BYSL: variants seen among roughly 807,000 people sequenced by gnomAD.
BYSL encodes bystin like.
BYSL carries 21 observed loss-of-function variants against 45.4 expected under a neutral mutation model. The ratio of observed to expected loss-of-function variants is 0.46; its 90% confidence interval spans 0.33 to 0.67. BYSL has a LOEUF of 0.67. Ranked by LOEUF, BYSL falls within the 30% of genes least tolerant of loss-of-function variation. BYSL has a pLI of 0.02. For missense variants in BYSL, 522 were observed against 578.5 expected, an observed-to-expected ratio of 0.90 and a Z score of 1.00; for synonymous variants, 215 against 231.3, an observed-to-expected ratio of 0.93 and a Z score of 0.64.
At chr6:41,916,661 AAC>A, upstream of BYSL, 2 of 1,216,060 alleles carry the variant, frequency 1.6e-6, no homozygotes, top group South Asian at 2.9e-5. Context: ...TGACGTCAAA[AAC>A]ACATCTCGCC....
intron 1 of BYSL, among the ~76,000 whole-genome samples, chr6:41,923,879 G>A (rs1041083153): frequency 1.1e-4 from 17 of 152,148 alleles, no homozygotes; most frequent in Middle Eastern, 6.8e-3. Context: ...AGGCTTCATT[G>A]TGCCTTAAAC....
rs770007220 is a variant in BYSL, at chr6:41,932,316, C to G, written c.969-45C>G. 4 of 1,550,134 alleles carry G rather than the reference C, an allele frequency of 2.6e-6. No homozygotes were observed. In the South Asian group the frequency reaches 3.4e-5, roughly 13 times the overall value. On this transcript the variant is annotated intron_variant, in intron 6 of 6. Transcript: ENST00000230340. The surrounding 1 kb of genome is among the most constrained non-coding windows in gnomAD (Gnocchi z 4.7). ...AGAGGGAGAAGTAGGATCCTTCTTC[C>G]AATGTTTTCCCTGCTTACTCTACCC...
rs1775660702 is a variant in BYSL, at chr6:41,932,809, C to T, written c.*103C>T. 1 of 1,230,008 alleles carries T rather than the reference C, an allele frequency of 8.1e-7. No homozygotes were observed. The highest frequency in any genetic ancestry group is 1.1e-6 in the Non-Finnish European group (1 of 890,932). The allele number at this position is 1,230,008 out of a possible 1,614,324, so 76.2% of individuals were successfully genotyped here. The stretch of plus-strand genomic sequence containing the variant: ...AGCTTTAATGGCTGAAGACCCAGAT[C>T]AGGGCAGTGACAGATCACAGGGACA... On this transcript the variant is annotated 3_prime_UTR_variant, in exon 7 of 7. Transcript: ENST00000230340. This position sits in a 1 kb window ranked among gnomAD's most constrained non-coding sequence, Gnocchi z 4.7.
the BYSL span, among the ~76,000 whole-genome samples, chr6:41,911,633 C>T: frequency 6.6e-6 from 1 of 152,124 alleles, no homozygotes; most frequent in African/African-American, 2.4e-5. Context: ...TCCAGCCACA[C>T]AAAGGAAAGA....
upstream of BYSL, among the ~76,000 whole-genome samples, chr6:41,918,649 CAAAAATACAAA>C (rs1775378046): frequency 7.4e-6 from 1 of 134,396 alleles, no homozygotes; most frequent in Non-Finnish European, 1.6e-5. Context: ...CCGTCTCTAC[CAAAAATACAAA>C]AAAATGGCCG....
At chr6:41,915,792 A>ACACACACACACACACACACACACC in the BYSL span, among the ~76,000 whole-genome samples, 1 of 152,010 alleles carries the variant, frequency 6.6e-6, no homozygotes, top group Non-Finnish European at 1.5e-5. Flanking sequence ...GTCTCAAAAC[A>ACACACACACACACACACACACACC]CACACACACA....
the BYSL span, chr6:41,909,639 T>C: frequency 1.4e-6 from 2 of 1,456,360 alleles, no homozygotes; most frequent in Non-Finnish European, 1.9e-6. Context: ...ACCTCAGCAG[T>C]TCTTGGTTGG....
upstream of BYSL, chr6:41,916,800 T>A: frequency 6.2e-7 from 1 of 1,613,998 alleles, no homozygotes; most frequent in Non-Finnish European, 8.5e-7. Context: ...CTGCCAAGGG[T>A]AGAGGCGGCC....
the BYSL span, among the ~76,000 whole-genome samples, chr6:41,914,942 T>C: frequency 2.6e-5 from 4 of 152,306 alleles, no homozygotes; most frequent in South Asian, 8.3e-4. Context: ...AAAACAAGTC[T>C]TTCTCAAATT....
At chr6:41,920,929 C>G, upstream of BYSL, 1 of 1,547,852 alleles carries the variant, frequency 6.5e-7, no homozygotes, top group Non-Finnish European at 8.8e-7. Flanking sequence ...CAGAGGACGG[C>G]GGACCATGGT....
chr6:41,920,473 T>G (rs1775432322), upstream of BYSL, among the ~76,000 whole-genome samples: 1 of 152,180 alleles, frequency 6.6e-6, no homozygotes. Context: ...GAGGTCCCAC[T>G]GCAGGCAGTA....
upstream of BYSL, chr6:41,921,150 A>G: frequency 8.2e-7 from 1 of 1,220,122 alleles, no homozygotes; most frequent in Non-Finnish European, 1.1e-6. Context: ...GTAAAAACAG[A>G]GCGCCGGGTC....
In BYSL at chr6:41,921,558, G is replaced by A; in HGVS notation, c.-5G>A. ...CGATCCTTCCCGGCAACTTTTTCGAGAAAAATGCCCAAATTCAAGGCGGCC... is the reference window on the plus strand; with the variant it reads ...CGATCCTTCCCGGCAACTTTTTCGAAAAAAATGCCCAAATTCAAGGCGGCC... On this transcript the variant is annotated 5_prime_UTR_variant, in exon 1 of 7. Coordinates refer to ENST00000230340, the MANE Select transcript of BYSL (RefSeq NM_004053.4). The A allele has an allele frequency of 6.4e-7, 1 of 1,556,896 alleles. No homozygotes were observed. Among genetic ancestry groups the A allele is most frequent in the Non-Finnish European group, 8.7e-7 (1 of 1,150,082 alleles).
chr6:41,932,121 G>T lies in BYSL; in HGVS notation c.969-240G>T, dbSNP rs1775649349. Among the ~76,000 whole-genome samples, 1 of 152,156 alleles carries T rather than the reference G, an allele frequency of 6.6e-6. No homozygotes were observed. The highest frequency in any genetic ancestry group is 6.5e-5 in the Admixed American group (1 of 15,274). ...GTTGAGATGTTTGGACCATACTCTAGTTGGTTACTGAAACAAGCAGTCTAT... is the reference window on the plus strand; with the variant it reads ...GTTGAGATGTTTGGACCATACTCTATTTGGTTACTGAAACAAGCAGTCTAT... On this transcript the variant is annotated intron_variant, in intron 6 of 6. Transcript: ENST00000230340. This position sits in a 1 kb window ranked among gnomAD's most constrained non-coding sequence, Gnocchi z 4.7.
At chr6:41,909,195 C>T in the BYSL span, 1 of 1,495,700 alleles carries the variant, frequency 6.7e-7, no homozygotes, top group South Asian at 1.3e-5. Flanking sequence ...AAGAGAAGAA[C>T]TGGAAAATCT....
chr6:41,921,852 C>T (rs766591154), intron 1 of BYSL, 22 bp downstream of exon 1: 3 of 1,601,724 alleles, frequency 1.9e-6, no homozygotes, highest in Admixed American at 1.7e-5. Flanking sequence ...GGATGAGGTC[C>T]GAGGAAGACA....
In BYSL at chr6:41,931,785, T is replaced by TG; in HGVS notation, c.926dup (p.Ser310Ter). 6.2e-7 allele frequency: 1 copy of TG among 1,614,136 alleles called. No homozygotes were observed. Among genetic ancestry groups the TG allele is most frequent in the Non-Finnish European group, 8.5e-7 (1 of 1,180,016 alleles). On this transcript the variant is annotated frameshift_variant, in exon 6 of 7. Transcript: ENST00000230340. LOFTEE classifies it high-confidence loss of function. Reference sequence around the variant, plus strand: ...TGTACCCTCCGGGAAGCCATCATTGTGGGTAGCATCATCACCAAGTGCTCC... The same window carrying TG: ...TGTACCCTCCGGGAAGCCATCATTGTGGGGTAGCATCATCACCAAGTGCTCC...
chr6:41,914,907 AT>A, the BYSL span, among the ~76,000 whole-genome samples: 1 of 152,206 alleles, frequency 6.6e-6, no homozygotes, highest in South Asian at 2.1e-4. Flanking sequence ...CTCTAAAAGA[AT>A]CATAAACAAA....
At chr6:41,918,920 G>A (rs540267725), upstream of BYSL, among the ~76,000 whole-genome samples, 55 of 134,752 alleles carry the variant, frequency 4.1e-4, 1 homozygote, top group South Asian at 7.4e-4. Context: ...GCAGTCCGCA[G>A]TCCGGCCTGG....
Sources: gnomAD v4.1 joint callset for allele counts (sites outside exome capture counted in the v4.1 genomes callset) on GRCh38, gnomAD v4.1.1 for gene constraint, Gnocchi (gnomAD v3.1) non-coding constraint, MANE v1.5 for transcripts, NCBI Gene and HGNC (gene_info 2026-07-23, HGNC 2026-07-21) for gene names.